Variants in SCN1A observed in about 807,000 individuals in gnomAD.
SCN1A encodes the protein sodium channel protein type 1 subunit alpha.
A neutral mutation model predicts 193.7 loss-of-function variants in SCN1A; 13 were observed. The ratio of observed to expected loss-of-function variants is 0.07; its 90% CI spans 0.04 to 0.11. The LOEUF (loss-of-function observed/expected upper bound fraction) is 0.11. Ranked by LOEUF, SCN1A falls within the 10% of genes least tolerant of loss-of-function variation. The pLI is 1.00. For missense variants in SCN1A, 1,432 were observed against 2,451.1 expected (o/e 0.58, Z 8.78); for synonymous variants, 781 against 843.6 (o/e 0.93, Z 1.29).
chr2:166,052,792 A>G, intron 8 of SCN1A, 60 bp downstream of exon 8: 2 of 1,314,626 alleles, frequency 1.5e-6, no homozygotes, highest in South Asian at 1.2e-5. Flanking sequence ...CTGAATGTCA[A>G]GCAGAGAAGG....
chr2:166,114,453 A>G (rs1689631389), intron 2 of SCN1A, among the ~76,000 whole-genome samples: 1 of 152,190 alleles, frequency 6.6e-6, no homozygotes, highest in African/African-American at 2.4e-5. Flanking sequence ...GCCCAGTGCA[A>G]GAAACCATGC....
At chr2:165,996,798 A>C (rs1262003478) in intron 26 of SCN1A, among the ~76,000 whole-genome samples, 2 of 151,400 alleles carry the variant, frequency 1.3e-5, no homozygotes. Context: ...CTAAGAAAGC[A>C]CTCATTCATT....
chr2:166,077,993 A>G (rs1298470216), intron 2 of SCN1A, 192 bp from the exon 3 acceptor site: 1 of 151,926 alleles, frequency 6.6e-6, no homozygotes, highest in Non-Finnish European at 1.5e-5. Context: ...TTCCAACTAT[A>G]TGACATTATG....
At chr2:166,090,064 G>A (rs1347539095) in intron 2 of SCN1A, among the ~76,000 whole-genome samples, 1 of 91,390 alleles carries the variant, frequency 1.1e-5, no homozygotes, top group Non-Finnish European at 2.1e-5. Flanking sequence ...TTTTGATATA[G>A]GGTATTGCCC....
chr2:166,084,942 T>G (rs1685944591), intron 2 of SCN1A, among the ~76,000 whole-genome samples: 2 of 152,186 alleles, frequency 1.3e-5, no homozygotes, highest in African/African-American at 4.8e-5. Context: ...TGAAGCCCTT[T>G]GTTTGGATTA....
chr2:166,055,449 T>G (rs1227289762), intron 6 of SCN1A, among the ~76,000 whole-genome samples: 1 of 151,894 alleles, frequency 6.6e-6, no homozygotes, highest in East Asian at 1.9e-4. Flanking sequence ...TACTTTAGAA[T>G]TTTTTTGTAT....
chr2:165,998,420 C>G (rs986740509), intron 25 of SCN1A, among the ~76,000 whole-genome samples: 2 of 150,594 alleles, frequency 1.3e-5, no homozygotes, highest in African/African-American at 4.9e-5. Flanking sequence ...AAATAATATT[C>G]TTCCATTTGA....
intron 1 of SCN1A, among the ~76,000 whole-genome samples, chr2:166,141,834 G>T (rs564460028): frequency 1.3e-5 from 2 of 151,798 alleles, no homozygotes; most frequent in Non-Finnish European, 2.9e-5. Flanking sequence ...TCAGGAAATG[G>T]ATCTGTCAGG....
chr2:165,998,841 T>A (rs1327435154), intron 25 of SCN1A, among the ~76,000 whole-genome samples: 1 of 151,336 alleles, frequency 6.6e-6, no homozygotes, highest in Admixed American at 6.6e-5. Context: ...AAAATATAAG[T>A]GACAAAGTGA....
At chr2:166,064,091 G>T (rs1683590729) in intron 4 of SCN1A, among the ~76,000 whole-genome samples, 1 of 152,082 alleles carries the variant, frequency 6.6e-6, no homozygotes, top group Non-Finnish European at 1.5e-5. Context: ...AATAATCTGG[G>T]AAGCAACATT....
At chr2:166,045,663 T>A (rs993170841) in intron 12 of SCN1A, among the ~76,000 whole-genome samples, 2 of 152,170 alleles carry the variant, frequency 1.3e-5, no homozygotes, top group African/African-American at 4.8e-5. Context: ...GGTATTTAAT[T>A]AGTGTTGTTT....
At chr2:166,054,603 A>G (rs200453470) in intron 7 of SCN1A, 35 bp downstream of exon 7, 164 of 1,609,290 alleles carry the variant, frequency 1.0e-4, no homozygotes, top group Admixed American at 1.3e-4. Context: ...AAACCAAACT[A>G]TGTTCTCTCT....
intron 23 of SCN1A, among the ~76,000 whole-genome samples, chr2:166,003,744 G>A (rs146492542): frequency 3.7e-3 from 562 of 151,680 alleles, no homozygotes; most frequent in African/African-American, 0.013. Context: ...GACATTAATA[G>A]CTAAGTTTAA....
chr2:166,100,872 A>G (rs1391203406), intron 2 of SCN1A, among the ~76,000 whole-genome samples: 1 of 41,536 alleles, frequency 2.4e-5, no homozygotes, highest in East Asian at 5.7e-4. Context: ...GGTGCTGGAG[A>G]GGATGTGGAG....
chr2:166,094,317 T>G (rs571746502), intron 2 of SCN1A, among the ~76,000 whole-genome samples: 1 of 152,178 alleles, frequency 6.6e-6, no homozygotes, highest in African/African-American at 2.4e-5. Flanking sequence ...ATGAGTTGAG[T>G]GGTTGAAAGT....
chr2:166,095,923 T>G (rs1279812817), intron 2 of SCN1A, among the ~76,000 whole-genome samples: 1 of 152,222 alleles, frequency 6.6e-6, no homozygotes, highest in Non-Finnish European at 1.5e-5. Flanking sequence ...AAAATCATCA[T>G]TACTTACCTT....
At chr2:166,005,628 A>C (rs1314087621) in intron 23 of SCN1A, among the ~76,000 whole-genome samples, 1 of 151,402 alleles carries the variant, frequency 6.6e-6, no homozygotes, top group African/African-American at 2.4e-5. Flanking sequence ...AGTCATATTT[A>C]TGATGTATTA....
chr2:166,096,150 T>C (rs1165475674), intron 2 of SCN1A, among the ~76,000 whole-genome samples: 1 of 152,248 alleles, frequency 6.6e-6, no homozygotes, highest in Non-Finnish European at 1.5e-5. Context: ...CAAAGAGTTA[T>C]TGACTCCACA....
In SCN1A at chr2:166,043,566, G is replaced by A. The variant is rs1278024549; in HGVS notation, c.2043+103C>T. The A allele has an allele frequency of 3.0e-6, 4 of 1,332,918 alleles. No homozygotes were observed. The South Asian group carries it at 4.4e-5, about 15-fold the overall frequency. The allele number at this position is 1,332,918 out of a possible 1,614,324, so 82.6% of individuals were successfully genotyped here. On this transcript the variant is annotated intron_variant, in intron 14 of 28. Coordinates refer to ENST00000674923, the MANE Select transcript of SCN1A (RefSeq NM_001165963.4). ...TACAAGATGCAGGTGCATTCACAGC[G>A]TGACCAACCAGGAATCATTCTCAAG...
Sources: gnomAD v4.1 joint callset for allele counts (sites outside exome capture counted in the v4.1 genomes callset) on GRCh38, gnomAD v4.1.1 for gene constraint, MANE v1.5 for transcripts, NCBI Gene and HGNC (gene_info 2026-07-23, HGNC 2026-07-21) for gene names.